SLC30A8: variants seen among roughly 807,000 people sequenced by gnomAD.
SLC30A8 encodes the protein proton-coupled zinc antiporter SLC30A8.
In SLC30A8, 27 loss-of-function variants were observed where a neutral mutation model predicts 36.9. That is an observed-to-expected ratio of 0.73 (90% CI 0.54 to 1.01). The LOEUF is 1.01. Among genes scored for constraint, SLC30A8 ranks in the 50% least tolerant of loss-of-function variants. SLC30A8 has a pLI of 0.00. For synonymous variants in SLC30A8, 164 were observed against 172.4 expected, an observed-to-expected ratio of 0.95 and a Z score of 0.38; for missense variants, 439 against 452.0, an observed-to-expected ratio of 0.97 and a Z score of 0.26.
Position 116,993,671 on chromosome 8 carries a change from A to G in SLC30A8, c.-266+42552A>G, listed in dbSNP as rs1815723023. 1.3e-5 allele frequency among the ~76,000 whole-genome samples: 2 copies of G among 152,062 alleles called. 1 individual carries two copies. The highest frequency in any genetic ancestry group is 4.1e-4 in the South Asian group (2 of 4,832). Reference sequence around the variant, plus strand: ...ACCAGAATCTACAAAAAAGAATAAAATGAACATGCTAGAACTGTAAAACAC... The same window carrying G: ...ACCAGAATCTACAAAAAAGAATAAAGTGAACATGCTAGAACTGTAAAACAC... On this transcript the variant is annotated intron_variant, in intron 1 of 10. Coordinates refer to the SLC30A8 transcript ENST00000427715.
At chr8:117,002,415 C>A (rs1244483497) in intron 1 of SLC30A8, among the ~76,000 whole-genome samples, 1 of 152,126 alleles carries the variant, frequency 6.6e-6, no homozygotes, top group Non-Finnish European at 1.5e-5. Context: ...ATAGAACTGA[C>A]AACCTGTATT....
intron 1 of SLC30A8, among the ~76,000 whole-genome samples, chr8:117,014,609 T>C (rs552764698): frequency 6.6e-6 from 1 of 152,314 alleles, no homozygotes; most frequent in African/African-American, 2.4e-5. Flanking sequence ...AACAAGTACG[T>C]AGTGTTACTG....
intron 2 of SLC30A8, among the ~76,000 whole-genome samples, chr8:117,076,327 T>G (rs1281318401): frequency 6.6e-6 from 1 of 152,210 alleles, no homozygotes; most frequent in Non-Finnish European, 1.5e-5. Context: ...TTACTGAAAT[T>G]GAAGAGCTAG....
At chr8:117,101,900 C>G (rs57500681) in intron 2 of SLC30A8, among the ~76,000 whole-genome samples, 1 of 152,052 alleles carries the variant, frequency 6.6e-6, no homozygotes, top group African/African-American at 2.4e-5. Context: ...ACCTTGTGAT[C>G]GTGTGAGTCA....
intron 1 of SLC30A8, among the ~76,000 whole-genome samples, chr8:116,964,966 C>T (rs1443076339): frequency 6.6e-6 from 1 of 152,160 alleles, no homozygotes; most frequent in African/African-American, 2.4e-5. Context: ...GACGGAATTT[C>T]ACTCTTGTTG....
At chr8:117,031,350 A>G (rs562649112) in intron 1 of SLC30A8, among the ~76,000 whole-genome samples, 5 of 152,304 alleles carry the variant, frequency 3.3e-5, no homozygotes, top group African/African-American at 1.2e-4. Context: ...CAAAGCTTAT[A>G]TGCTATACTA....
intron 2 of SLC30A8, among the ~76,000 whole-genome samples, chr8:117,080,225 A>G (rs1361471240): frequency 6.6e-6 from 1 of 152,232 alleles, no homozygotes; most frequent in Non-Finnish European, 1.5e-5. Context: ...AAAGTAGAGC[A>G]TACAGAAGCA....
At chr8:117,134,238 A>G (rs1821257850), upstream of SLC30A8, among the ~76,000 whole-genome samples, 1 of 151,888 alleles carries the variant, frequency 6.6e-6, no homozygotes, top group Non-Finnish European at 1.5e-5. Context: ...TCTCACTAGA[A>G]AGTTAGTGTT....
At chr8:117,052,192 G>T (rs1021272701) in intron 2 of SLC30A8, among the ~76,000 whole-genome samples, 1 of 152,208 alleles carries the variant, frequency 6.6e-6, no homozygotes, top group East Asian at 1.9e-4. Flanking sequence ...TCTATTATTA[G>T]TAGAGACAGG....
At chr8:117,007,304 T>G (rs923090200) in intron 1 of SLC30A8, among the ~76,000 whole-genome samples, 1 of 152,170 alleles carries the variant, frequency 6.6e-6, no homozygotes, top group Admixed American at 6.5e-5. Context: ...CAAAACAGGT[T>G]TTGGAGGCAT....
intron 1 of SLC30A8, among the ~76,000 whole-genome samples, chr8:116,967,130 A>G (rs1814624356): frequency 6.6e-6 from 1 of 152,236 alleles, no homozygotes; most frequent in African/African-American, 2.4e-5. Context: ...TGACTCAAAT[A>G]AAAATTCCCC....
At chr8:116,960,564 T>C (rs1814383829) in intron 1 of SLC30A8, among the ~76,000 whole-genome samples, 1 of 152,220 alleles carries the variant, frequency 6.6e-6, no homozygotes, top group Admixed American at 6.5e-5. Context: ...CCCCAGTCCA[T>C]AGACTTGTCT....
rs151130170 is a variant in SLC30A8, at chr8:116,983,402, TTA to T, written c.-266+32284_-266+32285del. ...TATTTTGTAGCTAATATGATACACTTTAGGAAATAATCCAAGGTACATGAAAA... is the reference window on the plus strand; with the variant it reads ...TATTTTGTAGCTAATATGATACACTTGGAAATAATCCAAGGTACATGAAAA... On this transcript the variant is annotated intron_variant, in intron 1 of 10. Coordinates refer to the SLC30A8 transcript ENST00000427715. Among the ~76,000 whole-genome samples the T allele has an allele frequency of 8.2e-3, 1,243 of 152,264 alleles. 71 individuals carry two copies. In the East Asian group the frequency reaches 0.17, roughly 21 times the overall value.
chr8:117,126,402 A>G (rs1352374490), intron 2 of SLC30A8, among the ~76,000 whole-genome samples: 1 of 151,978 alleles, frequency 6.6e-6, no homozygotes, highest in Non-Finnish European at 1.5e-5. Flanking sequence ...TCCCCATTTT[A>G]TATGTAAGAA....
chr8:116,960,355 A>C (rs1255791771), intron 1 of SLC30A8, among the ~76,000 whole-genome samples: 1 of 152,216 alleles, frequency 6.6e-6, no homozygotes, highest in Non-Finnish European at 1.5e-5. Flanking sequence ...TTAACAGAAG[A>C]AGATAGAAAG....
chr8:117,096,210 C>T (rs897011586), intron 2 of SLC30A8, among the ~76,000 whole-genome samples: 24 of 152,298 alleles, frequency 1.6e-4, no homozygotes, highest in African/African-American at 5.8e-4. Flanking sequence ...GTTTTCTCTG[C>T]AGAAGGGCTG....
chr8:117,139,823 A>G (rs1018718663), intron 1 of SLC30A8, among the ~76,000 whole-genome samples: 2 of 150,878 alleles, frequency 1.3e-5, no homozygotes, highest in Non-Finnish European at 3.0e-5. Flanking sequence ...ATGGCAACAG[A>G]GGCTGCGCAT....
chr8:116,957,062 A>G (rs1222482302), intron 1 of SLC30A8, among the ~76,000 whole-genome samples: 1 of 152,208 alleles, frequency 6.6e-6, no homozygotes, highest in Non-Finnish European at 1.5e-5. Flanking sequence ...CAGCATAATT[A>G]AGAAAGACCC....
chr8:117,068,407 T>G (rs1363812038), intron 2 of SLC30A8, among the ~76,000 whole-genome samples: 5 of 152,154 alleles, frequency 3.3e-5, no homozygotes, highest in African/African-American at 1.2e-4. Context: ...CAAGGATGAT[T>G]ATGACTTTAA....
Sources: gnomAD v4.1 joint callset for allele counts (sites outside exome capture counted in the v4.1 genomes callset) on GRCh38, gnomAD v4.1.1 for gene constraint, MANE v1.5 for transcripts, NCBI Gene and HGNC (gene_info 2026-07-23, HGNC 2026-07-21) for gene names.